PCYOX1: variants seen among roughly 807,000 people sequenced by gnomAD.
PCYOX1 encodes prenylcysteine lyase.
A neutral mutation model predicts 46.4 loss-of-function variants in PCYOX1; 46 were observed. That is an observed-to-expected ratio of 0.99 (90% CI 0.78 to 1.27). PCYOX1 has a LOEUF of 1.27. Among genes scored for constraint, PCYOX1 ranks in the 50% most tolerant of loss-of-function variants. The pLI, the probability that PCYOX1 is intolerant of heterozygous loss-of-function variation, is 0.00. For missense variants in PCYOX1, 658 were observed against 628.3 expected (o/e 1.05, Z -0.51); for synonymous variants, 220 against 231.8 (o/e 0.95, Z 0.46).
In PCYOX1 at chr2:70,275,578, T is replaced by G; in HGVS notation, c.771T>G (p.Val257=). The stretch of plus-strand genomic sequence containing the variant: ...CAGTAGAAGGTGGCAATAAACTTGT[T>G]TGCTCAGGGCTTCTGCAGGCATCCA... ...LWAVEGGNKL[V]CSGLLQASKS... is the part of the protein sequence containing the mutation. The change falls in exon 5 of 6, where the codon GTT becomes GTG. Residue 257 remains valine, a synonymous_variant. Transcript: ENST00000433351. The G allele has an allele frequency of 5.6e-6, 9 of 1,614,178 alleles. No individual in the cohort carries two copies. Among genetic ancestry groups the G allele is most frequent in the African/African-American group, 1.3e-5 (1 of 75,044 alleles).
Position 70,277,179 on chromosome 2 carries a change from A to C in PCYOX1, c.1305A>C (p.Ala435=), listed in dbSNP as rs1307401508. The C allele has an allele frequency of 6.2e-7, 1 of 1,614,004 alleles. No individual in the cohort carries two copies. Among genetic ancestry groups the C allele is most frequent in the Non-Finnish European group, 8.5e-7 (1 of 1,179,996 alleles). ...ATGCTGTGAAGAAGCCATGGCTTGC[A>C]TATCCTCACTATAAGCCCCCGGAGA... ...YDYAVKKPWL[A]YPHYKPPEKC... Residue 435 remains alanine (A), a synonymous_variant, in exon 6 of 6, where the codon GCA becomes GCC. Transcript: ENST00000433351.
intron 1 of PCYOX1, among the ~76,000 whole-genome samples, chr2:70,258,873 T>G (rs1354136483): frequency 6.6e-6 from 1 of 152,226 alleles, no homozygotes; most frequent in Admixed American, 6.5e-5. Context: ...TGTCAAGAGC[T>G]CCAGTGTCAG....
intron 3 of PCYOX1, among the ~76,000 whole-genome samples, chr2:70,267,583 C>A (rs1337572998): frequency 6.6e-6 from 1 of 152,166 alleles, no homozygotes; most frequent in Non-Finnish European, 1.5e-5. Flanking sequence ...TGGTCAGGAA[C>A]TGGAGACCAG....
At chr2:70,259,663 C>T in intron 2 of PCYOX1, 97 bp downstream of exon 2, 1 of 907,086 alleles carries the variant, frequency 1.1e-6, no homozygotes, top group Non-Finnish European at 1.8e-6. Flanking sequence ...TTGTTAATTG[C>T]CTTACAGAGA....
At chr2:70,263,959 CTCT>C (rs1696475663) in intron 3 of PCYOX1, among the ~76,000 whole-genome samples, 1 of 114,378 alleles carries the variant, frequency 8.7e-6, no homozygotes, top group South Asian at 3.1e-4. Flanking sequence ...GTGCCCGGCC[CTCT>C]TTTTTTTTTT....
At position 70,277,307 on chromosome 2, in the gene PCYOX1, C is replaced by T. The variant is rs1696686858; in HGVS notation, c.1433C>T (p.Ala478Val). The stretch of plus-strand genomic sequence containing the variant: ...AGTGCCATTGCAGCCCACAACGCTG[C>T]ACTCCTTGCCTATCACCGCTGGAAC... ...EMSAIAAHNA[A>V]LLAYHRWNGH... The change falls in exon 6 of 6, where the codon GCA becomes GTA. Residue 478 changes from alanine (A) to valine (V), a missense_variant. Transcript: ENST00000433351. 1.9e-6 allele frequency: 3 copies of T among 1,614,082 alleles called. No individual in the cohort carries two copies. The highest frequency in any genetic ancestry group is 2.5e-6 in the Non-Finnish European group (3 of 1,179,952).
chr2:70,263,101 G>T (rs1267375951), intron 3 of PCYOX1, among the ~76,000 whole-genome samples: 1 of 151,992 alleles, frequency 6.6e-6, no homozygotes, highest in African/African-American at 2.4e-5. Context: ...CGGCGTGGTG[G>T]TGCATGCCTG....
chr2:70,265,694 G>A (rs112901195), intron 3 of PCYOX1, among the ~76,000 whole-genome samples: 15 of 152,228 alleles, frequency 9.9e-5, no homozygotes, highest in African/African-American at 3.6e-4. Flanking sequence ...TAAATCTCTG[G>A]TCTGCTGATG....
Position 70,275,159 on chromosome 2 carries a change from A to G in PCYOX1, c.695A>G (p.Asn232Ser), listed in dbSNP as rs200274702. 222 of 1,613,032 alleles carry G rather than the reference A, an allele frequency of 1.4e-4. No individual in the cohort carries two copies. In the East Asian group the frequency reaches 1.4e-3, roughly 10 times the overall value. The change falls in exon 4 of 6, where the codon AAT (asparagine) becomes AGT (serine). Residue 232 changes from asparagine (N) to serine (S), a missense_variant. By Grantham distance (46) the Asn-to-Ser change is conservative. Transcript: ENST00000433351. ...RVNYGQSTDI[N>S]AFVGAVSLSC... Reference sequence around the variant, plus strand: ...AATTATGGCCAAAGCACGGACATCAATGCCTTTGTGGGTAAGCCAGGGCTT... The same window carrying G: ...AATTATGGCCAAAGCACGGACATCAGTGCCTTTGTGGGTAAGCCAGGGCTT...
chr2:70,275,017 G>A lies in PCYOX1; in HGVS notation c.553G>A (p.Ala185Thr). ...AFSSVEKLLH[A>T]LGGDDFLGML... The stretch of plus-strand genomic sequence containing the variant: ...CAGTAGTGTCGAAAAATTACTTCAT[G>A]CTCTAGGAGGAGATGACTTCCTTGG... The change falls in exon 4 of 6, where the codon GCT (alanine) becomes ACT (threonine). Residue 185 changes from alanine (A) to threonine (T), a missense_variant. By Grantham distance (58) the Ala-to-Thr change is moderately conservative. Transcript: ENST00000433351. The A allele has an allele frequency of 6.2e-7, 1 of 1,613,586 alleles. No individual in the cohort carries two copies. The highest frequency in any genetic ancestry group is 8.5e-7 in the Non-Finnish European group (1 of 1,179,492).
intron 1 of PCYOX1, 76 bp downstream of exon 1, chr2:70,258,352 G>T (rs1696378996): frequency 2.2e-6 from 2 of 926,278 alleles, no homozygotes; most frequent in Admixed American, 6.3e-5. Flanking sequence ...AGTGCGCCCA[G>T]ATCCCACAGC....
intron 2 of PCYOX1, among the ~76,000 whole-genome samples, chr2:70,260,880 T>C (rs1696426153): frequency 1.3e-5 from 2 of 152,130 alleles, no homozygotes; most frequent in South Asian, 4.1e-4. Flanking sequence ...AAGATGCATG[T>C]CTGACATCTT....
upstream of PCYOX1, chr2:70,258,133 T>G: frequency 1.3e-6 from 2 of 1,534,872 alleles, no homozygotes; most frequent in Non-Finnish European, 1.8e-6. Context: ...ACTGCGGGGC[T>G]CTTGAGGCCA....
At chr2:70,274,568 C>CTTT (rs201522757) in intron 3 of PCYOX1, among the ~76,000 whole-genome samples, 1 of 94,382 alleles carries the variant, frequency 1.1e-5, no homozygotes, top group Non-Finnish European at 2.2e-5. Flanking sequence ...TTTTTTTTTT[C>CTTT]TTTTTTTTTT....
At chr2:70,266,817 G>T (rs967142065) in intron 3 of PCYOX1, among the ~76,000 whole-genome samples, 3 of 152,114 alleles carry the variant, frequency 2.0e-5, no homozygotes, top group Admixed American at 6.5e-5. Context: ...CAAGGCAGAA[G>T]AATTTCTCTT....
intron 4 of PCYOX1, 67 bp from the exon 5 acceptor site, chr2:70,275,447 G>A: frequency 6.7e-7 from 1 of 1,487,890 alleles, no homozygotes; most frequent in Admixed American, 1.8e-5. Context: ...TAATTGGGAA[G>A]GGAGAGTGGG....
chr2:70,260,472 A>G (rs1573976286), intron 2 of PCYOX1, among the ~76,000 whole-genome samples: 1 of 152,188 alleles, frequency 6.6e-6, no homozygotes, highest in African/African-American at 2.4e-5. Context: ...TGAGCCTGGG[A>G]GATAGAAGCT....
intron 3 of PCYOX1, among the ~76,000 whole-genome samples, chr2:70,272,637 A>G (rs1399707524): frequency 2.6e-5 from 4 of 152,146 alleles, no homozygotes; most frequent in East Asian, 3.9e-4. Flanking sequence ...AGCTGTGACT[A>G]CAGGTGCATG....
chr2:70,264,022 G>A (rs930893379), intron 3 of PCYOX1, among the ~76,000 whole-genome samples: 1 of 149,210 alleles, frequency 6.7e-6, no homozygotes, highest in Admixed American at 6.7e-5. Flanking sequence ...GAGTGCAGTG[G>A]TGTGATCATG....
Sources: allele counts gnomAD v4.1 joint callset (sites outside exome capture counted in the v4.1 genomes callset), GRCh38; gene constraint gnomAD v4.1.1; transcripts MANE v1.5; gene names NCBI Gene and HGNC (gene_info 2026-07-23, HGNC 2026-07-21).